The following IL13RA1 variants were observed in gnomAD, a reference collection of about 807,000 sequenced individuals.
IL13RA1 encodes interleukin-13 receptor subunit alpha-1.
IL13RA1 carries 14 observed loss-of-function variants against 33.8 expected under a neutral mutation model. The ratio of observed to expected loss-of-function variants is 0.41; its 90% CI spans 0.27 to 0.65. The LOEUF (loss-of-function observed/expected upper bound fraction) is 0.65, where lower values mean the gene tolerates loss of function less well. Ranked by LOEUF, IL13RA1 falls within the 30% of genes least tolerant of loss-of-function variation. IL13RA1 has a pLI of 0.28. For synonymous variants in IL13RA1, 116 were observed against 115.7 expected, an observed-to-expected ratio of 1.00 and a Z score of -0.02; for missense variants, 313 against 327.0, an observed-to-expected ratio of 0.96 and a Z score of 0.33.
intron 10 of IL13RA1, among the ~76,000 whole-genome samples, chrX:118,783,146 T>G (rs2017864363): frequency 8.9e-6 from 1 of 111,769 alleles, no homozygotes; most frequent in South Asian, 3.7e-4. Context: ...AGTTGAGACT[T>G]GATATTTCAT....
chrX:118,759,385 G>A lies in IL13RA1; in HGVS notation c.676+1143G>A, dbSNP rs910037001. ...AATTACTAAAGCAAATTCCATTAGC[G>A]TAATGGTTTATTTGTTGAAATATCC... On this transcript the variant is annotated intron_variant, in intron 5 of 10. Transcript: ENST00000371666. Among the ~76,000 whole-genome samples, 3 of 112,510 alleles carry A rather than the reference G, an allele frequency of 2.7e-5. No homozygotes were observed. In the East Asian group the frequency reaches 8.3e-4, roughly 31 times the overall value.
At chrX:118,763,591 T>C (rs1275736732) in intron 6 of IL13RA1, among the ~76,000 whole-genome samples, 1 of 112,404 alleles carries the variant, frequency 8.9e-6, no homozygotes, top group Non-Finnish European at 1.9e-5. Context: ...TATGTGCTTC[T>C]TAATACAGTA....
At chrX:118,798,854 G>A (rs1257134321), downstream of IL13RA1, among the ~76,000 whole-genome samples, 3 of 112,756 alleles carry the variant, frequency 2.7e-5, no homozygotes, top group African/African-American at 6.4e-5. Context: ...CCACTTTGGC[G>A]GCACTTGAGG....
At chrX:118,767,133 ACCAC>A (rs1278551247) in intron 8 of IL13RA1, among the ~76,000 whole-genome samples, 157 bp downstream of exon 8, 1 of 112,458 alleles carries the variant, frequency 8.9e-6, no homozygotes, top group East Asian at 2.8e-4. Context: ...TCACTTTCAA[ACCAC>A]CCAGGGTTAA....
rs765615168 is a variant in IL13RA1 at position 118,794,271 on chromosome X, C to G, written c.*2417C>G. 18 of 112,208 alleles carry G rather than the reference C, an allele frequency of 1.6e-4. No individual in the cohort carries two copies. Among genetic ancestry groups the G allele is most frequent in the African/African-American group, 5.8e-4 (18 of 30,813 alleles). The allele number at this position is 112,208 out of a possible 1,213,427, so 9.2% of individuals were successfully genotyped here. A position where few individuals can be genotyped will look rare whatever the true frequency, so the allele number is the denominator to read the frequency against. ...GGAGGTGTCTGTATCAGTGGATTTC[C>G]CATCCCCTGTGGGAAATTAGTAGGC... is the stretch of plus-strand genomic sequence containing the variant. On this transcript the variant is annotated 3_prime_UTR_variant, in exon 11 of 11. Coordinates refer to ENST00000371666, the MANE Select transcript of IL13RA1 (RefSeq NM_001560.3).
chrX:118,782,313 G>A (rs1313823755), intron 10 of IL13RA1, among the ~76,000 whole-genome samples: 1 of 109,534 alleles, frequency 9.1e-6, no homozygotes, highest in African/African-American at 3.3e-5. Flanking sequence ...AGGCTCAAGC[G>A]ATCCTCTTGC....
At chrX:118,790,756 C>A (rs1418384036) in intron 10 of IL13RA1, among the ~76,000 whole-genome samples, 1 of 112,091 alleles carries the variant, frequency 8.9e-6, no homozygotes, top group African/African-American at 3.2e-5. Context: ...ATCCCCTCAT[C>A]TCTTAACTTG....
In IL13RA1 at chrX:118,761,296, T is replaced by A; in HGVS notation, c.828+7T>A. ...GACACATAATGTTTTCTACGTAAGG[T>A]TTTAAAATTATTGTTTTTATTTGGC... On this transcript the variant is annotated splice_region_variant and intron_variant, in intron 6 of 10. Coordinates refer to ENST00000371666, the MANE Select transcript of IL13RA1 (RefSeq NM_001560.3). 2.1e-6 allele frequency: 2 copies of A among 930,500 alleles called. No homozygotes were observed. The highest frequency in any genetic ancestry group is 6.7e-5 in the East Asian group (2 of 29,825). The allele number at this position is 930,500 out of a possible 1,213,427, so 76.7% of individuals were successfully genotyped here. A position where few individuals can be genotyped will look rare whatever the true frequency, so the allele number is the denominator to read the frequency against.
At chrX:118,759,209 C>G (rs1293760251) in intron 5 of IL13RA1, among the ~76,000 whole-genome samples, 1 of 112,010 alleles carries the variant, frequency 8.9e-6, no homozygotes, top group African/African-American at 3.2e-5. Context: ...CACAGATTAT[C>G]TGATTAGGTT....
chrX:118,777,217 T>G (rs2017796729), intron 10 of IL13RA1, among the ~76,000 whole-genome samples: 1 of 110,564 alleles, frequency 9.0e-6, no homozygotes, highest in Admixed American at 9.7e-5. Context: ...TCTAGATACC[T>G]CCTATATGTG....
At chrX:118,795,346 C>T (rs1329550021), downstream of IL13RA1, among the ~76,000 whole-genome samples, 1 of 111,474 alleles carries the variant, frequency 9.0e-6, no homozygotes, top group Non-Finnish European at 1.9e-5. Flanking sequence ...TTTTCTTCCC[C>T]TCATTTGTGT....
intron 2 of IL13RA1, 40 bp downstream of exon 2, chrX:118,741,196 G>T: frequency 1.1e-6 from 1 of 920,451 alleles, no homozygotes; most frequent in South Asian, 2.1e-5. Context: ...GAGGTAAAGT[G>T]AACACTATGA....
chrX:118,749,843 A>T, intron 4 of IL13RA1, 65 bp downstream of exon 4: 1 of 746,492 alleles, frequency 1.3e-6, no homozygotes. Context: ...TTTGGATCCA[A>T]CCTAGTCAAA....
the IL13RA1 span, among the ~76,000 whole-genome samples, chrX:118,800,385 A>T: frequency 9.1e-6 from 1 of 110,461 alleles, no homozygotes; most frequent in Non-Finnish European, 1.9e-5. Context: ...CTGCGGCTTC[A>T]CTCCTGAGCC....
chrX:118,731,869 A>G (rs180846270), intron 1 of IL13RA1, among the ~76,000 whole-genome samples: 1,813 of 111,942 alleles, frequency 0.016, 21 homozygotes, highest in Non-Finnish European at 0.023. Context: ...TAAACACTAC[A>G]CTATGTTGAA....
At chrX:118,776,329 A>G (rs2017780124) in intron 9 of IL13RA1, 98 bp from the exon 10 acceptor site, 1 of 441,454 alleles carries the variant, frequency 2.3e-6, no homozygotes, top group Non-Finnish European at 4.0e-6. Flanking sequence ...CTTGTGTACC[A>G]TGTCTTTTGT....
At chrX:118,791,185 G>C in intron 10 of IL13RA1, among the ~76,000 whole-genome samples, 1 of 111,887 alleles carries the variant, frequency 8.9e-6, no homozygotes, top group Non-Finnish European at 1.9e-5. Context: ...TACCATAAGA[G>C]ACATGCTTGA....
At position 118,792,468 on chromosome X, in the gene IL13RA1, A is replaced by T. The variant is rs1435498232; in HGVS notation, c.*614A>T. 2 of 111,219 alleles carry T rather than the reference A, an allele frequency of 1.8e-5. No homozygotes were observed. Among genetic ancestry groups the T allele is most frequent in the Non-Finnish European group, 3.8e-5 (2 of 53,025 alleles). 9.2% of individuals were successfully genotyped at this position (111,219 alleles called of 1,213,427 possible). ...CCAGACCAGCCTGACCAAAATGGTGAAACCTCCTCTCTACTAAAACTACAA... is the reference window on the plus strand; with the variant it reads ...CCAGACCAGCCTGACCAAAATGGTGTAACCTCCTCTCTACTAAAACTACAA... On this transcript the variant is annotated 3_prime_UTR_variant, in exon 11 of 11. Transcript: ENST00000371666.
At chrX:118,760,105 A>T (rs2017575133) in intron 5 of IL13RA1, among the ~76,000 whole-genome samples, 1 of 112,240 alleles carries the variant, frequency 8.9e-6, no homozygotes, top group African/African-American at 3.2e-5. Flanking sequence ...TTAAGTGTAC[A>T]GTTCGGTAGT....
Sources: allele counts gnomAD v4.1 joint callset (sites outside exome capture counted in the v4.1 genomes callset), GRCh38; gene constraint gnomAD v4.1.1; transcripts MANE v1.5; gene names NCBI Gene and HGNC (gene_info 2026-07-23, HGNC 2026-07-21).